The following MFSD6 variants were observed in gnomAD, a reference collection of about 807,000 sequenced individuals.
MFSD6 encodes major facilitator superfamily domain containing 6, also known as major facilitator superfamily domain-containing protein 6.
Under a neutral mutation model 56.3 loss-of-function variants are expected in MFSD6, and 26 were observed. That is an observed-to-expected ratio of 0.46 (90% CI 0.34 to 0.64). The LOEUF (loss-of-function observed/expected upper bound fraction) is 0.64. Among genes scored for constraint, MFSD6 ranks in the 30% least tolerant of loss-of-function variants. MFSD6 has a pLI of 0.01. For synonymous variants in MFSD6, 331 were observed against 366.9 expected (o/e 0.90, Z 1.12); for missense variants, 750 against 986.2 (o/e 0.76, Z 3.21).
rs533420878 is a variant in MFSD6, at chr2:190,499,242, A to C, written c.2173-773A>C. ...CAGGTATGCTGTAGTTATTCTTAGA[A>C]GTCATTATACTAAGTTTCTTTTTCT... On this transcript the variant is annotated intron_variant, in intron 7 of 7. Coordinates refer to ENST00000392328, the MANE Select transcript of MFSD6 (RefSeq NM_017694.4). The surrounding 1 kb of genome is among the most constrained non-coding windows in gnomAD (Gnocchi z 6.0). 5.3e-5 allele frequency among the ~76,000 whole-genome samples: 8 copies of C among 152,356 alleles called. No homozygotes were observed. The South Asian group carries it at 1.4e-3, about 28-fold the overall frequency.
In MFSD6 at chr2:190,424,532, T is replaced by C. The variant is rs1340872598; in HGVS notation, c.-54+9119T>C. ...GTATTTTTAGTAGAGATGGGGTTTCTCCATGTTGGTCAGGATGGTCTCGAA... is the reference window on the plus strand; with the variant it reads ...GTATTTTTAGTAGAGATGGGGTTTCCCCATGTTGGTCAGGATGGTCTCGAA... On this transcript the variant is annotated intron_variant, in intron 2 of 7. Transcript: ENST00000392328. The surrounding 1 kb of genome is among the most constrained non-coding windows in gnomAD (Gnocchi z 5.9). Among the ~76,000 whole-genome samples the C allele has an allele frequency of 6.6e-6, 1 of 151,996 alleles. No homozygotes were observed. Among genetic ancestry groups the C allele is most frequent in the Non-Finnish European group, 1.5e-5 (1 of 67,976 alleles).
intron 4 of MFSD6, among the ~76,000 whole-genome samples, chr2:190,474,770 G>C (rs1688185242): frequency 1.3e-5 from 2 of 152,108 alleles, no homozygotes; most frequent in Admixed American, 1.3e-4. Context: ...CCAAAAAAGA[G>C]AATTTTAGAC....
In MFSD6 at chr2:190,457,250, C is replaced by T. The variant is rs1041387146; in HGVS notation, c.1533-12508C>T. On this transcript the variant is annotated intron_variant, in intron 3 of 7. Coordinates refer to ENST00000392328, the MANE Select transcript of MFSD6 (RefSeq NM_017694.4). This position sits in a 1 kb window ranked among gnomAD's most constrained non-coding sequence, Gnocchi z 5.1. Reference sequence around the variant, plus strand: ...CACTGGCCAACCGACTTTGTGGCCCCGGTCCACCCCTGTGGCCCTCTCCTT... The same window carrying T: ...CACTGGCCAACCGACTTTGTGGCCCTGGTCCACCCCTGTGGCCCTCTCCTT... 2.6e-5 allele frequency among the ~76,000 whole-genome samples: 4 copies of T among 152,174 alleles called. No homozygotes were observed. Among genetic ancestry groups the T allele is most frequent in the Admixed American group, 6.5e-5 (1 of 15,276 alleles).
rs999070625 is a variant in MFSD6 at position 190,475,173 on chromosome 2, C to T, written c.1630+5318C>T. ...CTGACACAAGACAGGGATGCCCTCT[C>T]TCACCACTCCTATTCAACATAGTGT... On this transcript the variant is annotated intron_variant, in intron 4 of 7. Coordinates refer to ENST00000392328, the MANE Select transcript of MFSD6 (RefSeq NM_017694.4). Among the ~76,000 whole-genome samples the T allele has an allele frequency of 3.7e-4, 57 of 152,260 alleles. 2 individuals are homozygous for T. Among genetic ancestry groups the T allele is most frequent in the African/African-American group, 1.3e-3 (53 of 41,536 alleles).
rs1415233702 is a variant in MFSD6, at chr2:190,499,521, A to T, written c.2173-494A>T. 6.6e-6 allele frequency among the ~76,000 whole-genome samples: 1 copy of T among 152,224 alleles called. No homozygotes were observed. Among genetic ancestry groups the T allele is most frequent in the African/African-American group, 2.4e-5 (1 of 41,460 alleles). On this transcript the variant is annotated intron_variant, in intron 7 of 7. Transcript: ENST00000392328. This position sits in a 1 kb window ranked among gnomAD's most constrained non-coding sequence, Gnocchi z 6.0. ...TTTGGTGCACATTTTGAAATACCAA[A>T]TATATATCAGGACTCTTAATTACAG...
At chr2:190,420,406 C>T (rs760975978) in intron 2 of MFSD6, among the ~76,000 whole-genome samples, 10 of 152,066 alleles carry the variant, frequency 6.6e-5, no homozygotes, top group Non-Finnish European at 1.2e-4. Context: ...CAAAAAGGTC[C>T]TATCTCATGA....
chr2:190,429,262 C>T (rs940220124), intron 2 of MFSD6, among the ~76,000 whole-genome samples: 13 of 150,996 alleles, frequency 8.6e-5, no homozygotes, highest in African/African-American at 3.2e-4. Flanking sequence ...ACATATATCA[C>T]CAAAATATCT....
chr2:190,499,914 A>G lies in MFSD6; in HGVS notation c.2173-101A>G. The G allele has an allele frequency of 1.9e-6, 3 of 1,582,086 alleles. No individual in the cohort carries two copies. Among genetic ancestry groups the G allele is most frequent in the Non-Finnish European group, 2.6e-6 (3 of 1,160,186 alleles). On this transcript the variant is annotated intron_variant, in intron 7 of 7. Coordinates refer to ENST00000392328, the MANE Select transcript of MFSD6 (RefSeq NM_017694.4). The surrounding 1 kb of genome is among the most constrained non-coding windows in gnomAD (Gnocchi z 6.0). ...TGGTCCCTGAAATGGGCACTTCCGG[A>G]TGATCTCCCCATGTTTCCTGTCTTA...
intron 3 of MFSD6, among the ~76,000 whole-genome samples, chr2:190,449,915 A>G (rs868775833): frequency 1.2e-4 from 19 of 152,262 alleles, no homozygotes; most frequent in East Asian, 5.8e-4. Context: ...CCTAATGCTA[A>G]ATGACGAGTT....
At chr2:190,419,709 G>A (rs1201193747) in intron 2 of MFSD6, among the ~76,000 whole-genome samples, 1 of 152,166 alleles carries the variant, frequency 6.6e-6, no homozygotes, top group Non-Finnish European at 1.5e-5. Flanking sequence ...TGTTTGAACA[G>A]TTTTAATTCA....
In MFSD6 at chr2:190,441,224, A is replaced by G. The variant is rs1006999535; in HGVS notation, c.1532+3663A>G. Among the ~76,000 whole-genome samples, 9 of 151,984 alleles carry G rather than the reference A, an allele frequency of 5.9e-5. 1 individual carries two copies. Among genetic ancestry groups the G allele is most frequent in the South Asian group, 4.2e-4 (2 of 4,816 alleles). ...GAAAGGGTGCTGATTTCTGTAGGCT[A>G]TGTTTTCCAGGGTCTGTTCTCGTGT... On this transcript the variant is annotated intron_variant, in intron 3 of 7. Coordinates refer to ENST00000392328, the MANE Select transcript of MFSD6 (RefSeq NM_017694.4).
rs540892078 is a variant in MFSD6 at position 190,494,388 on chromosome 2, A to G, written c.1892-3051A>G. Among the ~76,000 whole-genome samples, 1 of 152,322 alleles carries G rather than the reference A, an allele frequency of 6.6e-6. No individual in the cohort carries two copies. Among genetic ancestry groups the G allele is most frequent in the African/African-American group, 2.4e-5 (1 of 41,588 alleles). ...TGCCAACAAAAAAAAGTCCAGGACCAGATGGAGTCACAGCTGAATTCTATC... is the reference window on the plus strand; with the variant it reads ...TGCCAACAAAAAAAAGTCCAGGACCGGATGGAGTCACAGCTGAATTCTATC... On this transcript the variant is annotated intron_variant, in intron 6 of 7. Transcript: ENST00000392328. The surrounding 1 kb of genome is among the most constrained non-coding windows in gnomAD (Gnocchi z 5.7).
rs1345370883 is a variant in MFSD6 at position 190,419,613 on chromosome 2, AAAT to A, written c.-54+4204_-54+4206del. Among the ~76,000 whole-genome samples the A allele has an allele frequency of 2.0e-5, 3 of 152,258 alleles. No individual in the cohort carries two copies. The East Asian group carries it at 5.8e-4, about 29-fold the overall frequency. ...AAATCTAACCTTTGGCAATTATTCC[AAAT>A]AATGTATTCGATCTCAGGGTTTCTT... On this transcript the variant is annotated intron_variant, in intron 2 of 7. Transcript: ENST00000392328.
Position 190,494,515 on chromosome 2 carries a change from C to G in MFSD6, c.1892-2924C>G, listed in dbSNP as rs1689552097. ...AACATTCTATGAAGCCAGTATCACCCTAATAACAAAACCAGGAAAGGACAT... is the reference window on the plus strand; with the variant it reads ...AACATTCTATGAAGCCAGTATCACCGTAATAACAAAACCAGGAAAGGACAT... On this transcript the variant is annotated intron_variant, in intron 6 of 7. Transcript: ENST00000392328. This position sits in a 1 kb window ranked among gnomAD's most constrained non-coding sequence, Gnocchi z 5.7. Among the ~76,000 whole-genome samples, 1 of 152,124 alleles carries G rather than the reference C, an allele frequency of 6.6e-6. No individual in the cohort carries two copies. Among genetic ancestry groups the G allele is most frequent in the Admixed American group, 6.5e-5 (1 of 15,272 alleles).
At chr2:190,428,975 A>C (rs1403271379) in intron 2 of MFSD6, among the ~76,000 whole-genome samples, 1 of 152,004 alleles carries the variant, frequency 6.6e-6, no homozygotes, top group African/African-American at 2.4e-5. Context: ...GCCCAGCCTC[A>C]ATCTTTTTTA....
intron 4 of MFSD6, among the ~76,000 whole-genome samples, chr2:190,478,723 G>A (rs187521632): frequency 3.2e-4 from 48 of 151,846 alleles, no homozygotes; most frequent in Non-Finnish European, 5.1e-4. Flanking sequence ...GTCTGGGGAA[G>A]GGGAAGGCTG....
intron 4 of MFSD6, among the ~76,000 whole-genome samples, chr2:190,474,355 T>C (rs1236438346): frequency 6.6e-6 from 1 of 152,040 alleles, no homozygotes; most frequent in African/African-American, 2.4e-5. Context: ...AAGAATCAAA[T>C]AGACGCAATA....
At position 190,462,110 on chromosome 2, in the gene MFSD6, T is replaced by A. The variant is rs564075047; in HGVS notation, c.1533-7648T>A. On this transcript the variant is annotated intron_variant, in intron 3 of 7. Transcript: ENST00000392328. The surrounding 1 kb of genome is among the most constrained non-coding windows in gnomAD (Gnocchi z 5.7). The stretch of plus-strand genomic sequence containing the variant: ...TTCCAGGATAATCATTGTTCGTGAT[T>A]TGCTGTCTGTCTCCTTCTTGGTTTG... Among the ~76,000 whole-genome samples the A allele has an allele frequency of 1.3e-5, 2 of 152,218 alleles. No individual in the cohort carries two copies. Among genetic ancestry groups the A allele is most frequent in the Non-Finnish European group, 2.9e-5 (2 of 68,042 alleles).
At chr2:190,449,615 C>T (rs1478088500) in intron 3 of MFSD6, among the ~76,000 whole-genome samples, 1 of 152,044 alleles carries the variant, frequency 6.6e-6, no homozygotes, top group Non-Finnish European at 1.5e-5. Flanking sequence ...GGAACCAACC[C>T]AAATGTCCAA....
Sources: allele counts gnomAD v4.1 joint callset (sites outside exome capture counted in the v4.1 genomes callset), GRCh38; gene constraint gnomAD v4.1.1; non-coding constraint Gnocchi (gnomAD v3.1); transcripts MANE v1.5; gene names NCBI Gene and HGNC (gene_info 2026-07-23, HGNC 2026-07-21).